CHIT1: variants seen among roughly 807,000 people sequenced by gnomAD.
CHIT1 encodes the protein chitinase 1, also known as chitotriosidase-1.
In CHIT1, 47 loss-of-function variants were observed where a neutral mutation model predicts 52.0. The ratio of observed to expected loss-of-function variants is 0.90; its 90% CI spans 0.71 to 1.15. The LOEUF (loss-of-function observed/expected upper bound fraction) is 1.15, where lower values mean the gene tolerates loss of function less well. CHIT1 is among the 50% of genes most tolerant of loss of function. CHIT1 has a pLI of 0.00. For missense variants in CHIT1, 569 were observed against 583.0 expected (o/e 0.98, Z 0.25); for synonymous variants, 242 against 228.2 (o/e 1.06, Z -0.54).
intron 7 of CHIT1, 32 bp downstream of exon 7, chr1:203,222,170 G>T (rs1268089509): frequency 3.1e-6 from 5 of 1,612,844 alleles, no homozygotes; most frequent in Middle Eastern, 3.7e-4. Flanking sequence ...CTGGACAGGG[G>T]AGTCCTGCCT....
At position 203,219,732 on chromosome 1, in the gene CHIT1, C is replaced by T; in HGVS notation, c.847G>A (p.Ala283Thr). The T allele has an allele frequency of 6.2e-7, 1 of 1,613,706 alleles. No homozygotes were observed. Among genetic ancestry groups the T allele is most frequent in the South Asian group, 1.1e-5 (1 of 91,068 alleles). ...LASSSDTRVG[A>T]PATGSGTPGP... is the part of the protein sequence containing the mutation. The stretch of plus-strand genomic sequence containing the variant: ...GGAGTGCCAGACCCTGTGGCTGGGG[C>T]CCCCACTCTGGTGTCTGATGAGGAG... Residue 283 changes from alanine to threonine, a missense_variant, in exon 8 of 11, where the codon GCC becomes ACC. By Grantham distance (58) the Ala-to-Thr change is moderately conservative. Coordinates refer to ENST00000367229, the MANE Select transcript of CHIT1 (RefSeq NM_003465.3).
chr1:203,226,013 G>A (rs900217823), intron 2 of CHIT1, 143 bp from the exon 3 acceptor site: 5 of 904,042 alleles, frequency 5.5e-6, no homozygotes, highest in Admixed American at 4.0e-5. Context: ...GGCAGAAATG[G>A]CATTTGCTTT....
chr1:203,229,997 G>C, upstream of CHIT1: 1 of 345,626 alleles, frequency 2.9e-6, no homozygotes, highest in Admixed American at 4.0e-5. Flanking sequence ...GGGCTTTGGA[G>C]GAAGAGAAAT....
intron 2 of CHIT1, among the ~76,000 whole-genome samples, chr1:203,228,056 C>A (rs972064810): frequency 2.0e-5 from 3 of 152,216 alleles, no homozygotes; most frequent in Admixed American, 2.0e-4. Context: ...AGCTCCACAT[C>A]TGATCAGTTC....
chr1:203,229,874 G>A (rs1341305197), upstream of CHIT1: 1 of 596,360 alleles, frequency 1.7e-6, no homozygotes, highest in African/African-American at 1.8e-5. Flanking sequence ...GTGACTCTTA[G>A]TGTTGCCAAA....
chr1:203,221,519 G>T (rs1165080310), intron 7 of CHIT1, among the ~76,000 whole-genome samples: 1 of 152,136 alleles, frequency 6.6e-6, no homozygotes, highest in African/African-American at 2.4e-5. Flanking sequence ...TACTCAGGAG[G>T]CTGGGGCAGG....
At chr1:203,224,829 A>T (rs1016697642) in intron 4 of CHIT1, among the ~76,000 whole-genome samples, 2 of 152,106 alleles carry the variant, frequency 1.3e-5, no homozygotes, top group Non-Finnish European at 2.9e-5. Flanking sequence ...TTCTGGCAAG[A>T]CTGGATCTGA....
chr1:203,222,558 C>T (rs1656777158), intron 6 of CHIT1, among the ~76,000 whole-genome samples: 2 of 152,186 alleles, frequency 1.3e-5, no homozygotes, highest in African/African-American at 4.8e-5. Context: ...ACCCCACTGT[C>T]CCCTCAGCAC....
chr1:203,219,336 G>A lies in CHIT1; in HGVS notation c.916-7C>T, dbSNP rs1405578733. On this transcript the variant is annotated splice_polypyrimidine_tract_variant and splice_region_variant and intron_variant, in intron 8 of 10. Transcript: ENST00000367229. The stretch of plus-strand genomic sequence containing the variant: ...CCCCCTTCCAGGAGCAGACCTGTGG[G>A]AGCAGAAGGCAGCACTGGGGAGGAG... The A allele has an allele frequency of 2.6e-6, 4 of 1,531,458 alleles. No homozygotes were observed. The highest frequency in any genetic ancestry group is 3.6e-6 in the Non-Finnish European group (4 of 1,104,426). The allele number at this position is 1,531,458 out of a possible 1,614,324, so 94.9% of individuals were successfully genotyped here.
chr1:203,221,593 C>T (rs1032862565), intron 7 of CHIT1, among the ~76,000 whole-genome samples: 4 of 152,054 alleles, frequency 2.6e-5, no homozygotes, highest in African/African-American at 9.7e-5. Flanking sequence ...TGCATACCCT[C>T]CTTGGTGACA....
chr1:203,227,665 G>C (rs1261209943), intron 2 of CHIT1, among the ~76,000 whole-genome samples: 1 of 152,198 alleles, frequency 6.6e-6, no homozygotes, highest in East Asian at 1.9e-4. Context: ...CAAGGAAGAA[G>C]TTCTGTTCTA....
At chr1:203,217,273 G>T in intron 10 of CHIT1, 140 bp from the exon 11 acceptor site, 1 of 1,563,716 alleles carries the variant, frequency 6.4e-7, no homozygotes, top group Non-Finnish European at 8.6e-7. Flanking sequence ...AGATACCCCA[G>T]GCAGAGAACA....
At chr1:203,224,359 C>T (rs947709976) in intron 4 of CHIT1, among the ~76,000 whole-genome samples, 3 of 152,004 alleles carry the variant, frequency 2.0e-5, no homozygotes, top group South Asian at 2.1e-4. Context: ...TAATTTAGTC[C>T]GAGGACACCA....
intron 4 of CHIT1, among the ~76,000 whole-genome samples, 188 bp from the exon 5 acceptor site, chr1:203,223,848 G>A (rs1261583085): frequency 6.6e-6 from 1 of 152,052 alleles, no homozygotes; most frequent in Admixed American, 6.5e-5. Context: ...TTGAGGAAAG[G>A]GGACCATCCA....
chr1:203,224,870 C>G (rs1243727120), intron 4 of CHIT1, among the ~76,000 whole-genome samples, 178 bp downstream of exon 4: 2 of 152,112 alleles, frequency 1.3e-5, no homozygotes, highest in Non-Finnish European at 2.9e-5. Flanking sequence ...ACTGTGCTGC[C>G]CTCCAGCTGA....
rs762313251 is a variant in CHIT1, at chr1:203,219,585, C to T, written c.915+79G>A. The T allele has an allele frequency of 1.3e-4, 201 of 1,510,100 alleles. 2 individuals carry two copies. Among genetic ancestry groups the T allele is most frequent in the Middle Eastern group, 5.1e-4 (3 of 5,890 alleles). The allele number at this position is 1,510,100 out of a possible 1,614,324, so 93.5% of individuals were successfully genotyped here. On this transcript the variant is annotated intron_variant, in intron 8 of 10. Transcript: ENST00000367229. ...TGCAATTGGCATCCTTACTCAGAAA[C>T]GGTGGGAGAAGGAAACCTCTGTTCT...
At chr1:203,221,954 T>C (rs1656752010) in intron 7 of CHIT1, among the ~76,000 whole-genome samples, 1 of 152,176 alleles carries the variant, frequency 6.6e-6, no homozygotes, top group Non-Finnish European at 1.5e-5. Flanking sequence ...ATTGGTCACT[T>C]GTTTGTCATC....
chr1:203,228,495 G>C, intron 2 of CHIT1, 38 bp downstream of exon 2: 2 of 1,571,946 alleles, frequency 1.3e-6, no homozygotes, highest in Non-Finnish European at 1.7e-6. Context: ...GCAGAGCCCA[G>C]GGAAGGGGCT....
At chr1:203,228,704 G>A (rs1335315718) in intron 1 of CHIT1, 142 bp from the exon 2 acceptor site, 2 of 980,666 alleles carry the variant, frequency 2.0e-6, no homozygotes, top group East Asian at 2.6e-5. Context: ...AGGGACCCAG[G>A]AGGGCACTGT....
Sources: allele counts gnomAD v4.1 joint callset (sites outside exome capture counted in the v4.1 genomes callset), GRCh38; gene constraint gnomAD v4.1.1; transcripts MANE v1.5; gene names NCBI Gene and HGNC (gene_info 2026-07-23, HGNC 2026-07-21).